Variants in HMG20A observed in about 807,000 individuals in gnomAD.
The protein encoded by HMG20A is high mobility group 20A, also known as high mobility group protein 20A.
In HMG20A, 17 loss-of-function variants were observed where a neutral mutation model predicts 43.9. The ratio of observed to expected loss-of-function variants is 0.39; its 90% CI spans 0.27 to 0.58. The LOEUF (loss-of-function observed/expected upper bound fraction) is 0.58. Ranked by LOEUF, HMG20A falls within the 20% of genes least tolerant of loss-of-function variation. The probability of loss-of-function intolerance (pLI) is 0.59; values close to 1 mark genes in which losing one functional copy is unlikely to be tolerated. For synonymous variants in HMG20A, 132 were observed against 147.5 expected, an observed-to-expected ratio of 0.89 and a Z score of 0.76; for missense variants, 341 against 438.2, an observed-to-expected ratio of 0.78 and a Z score of 1.98.
chr15:77,435,382 C>T (rs2073534898), intron 1 of HMG20A, among the ~76,000 whole-genome samples: 1 of 152,162 alleles, frequency 6.6e-6, no homozygotes, highest in African/African-American at 2.4e-5. Flanking sequence ...CTACTGGGCT[C>T]AAGCAGTTCT....
chr15:77,421,425 C>CT (rs1370065858), intron 1 of HMG20A, among the ~76,000 whole-genome samples: 1 of 152,182 alleles, frequency 6.6e-6, no homozygotes, highest in Non-Finnish European at 1.5e-5. Flanking sequence ...GCAAAATTGT[C>CT]TGTGTTTTCT....
chr15:77,472,092 G>A (rs975389878), intron 6 of HMG20A, among the ~76,000 whole-genome samples: 2 of 152,094 alleles, frequency 1.3e-5, no homozygotes, highest in African/African-American at 4.8e-5. Flanking sequence ...TTGGAATGAA[G>A]TATAGAAATG....
chr15:77,503,717 C>T, the HMG20A span, among the ~76,000 whole-genome samples: 4 of 152,170 alleles, frequency 2.6e-5, no homozygotes, highest in African/African-American at 9.7e-5. Context: ...TCCCTCGGAT[C>T]GTAATACACC....
rs2072766611 is a variant in HMG20A, at chr15:77,467,385, G to A, written c.450+78G>A. 4.1e-5 allele frequency: 50 copies of A among 1,232,750 alleles called. No individual in the cohort carries two copies. The South Asian group carries it at 6.6e-4, about 16-fold the overall frequency. 76.4% of individuals were successfully genotyped at this position (1,232,750 alleles called of 1,614,324 possible). A position where few individuals can be genotyped will look rare whatever the true frequency, so the allele number is the denominator to read the frequency against. On this transcript the variant is annotated intron_variant, in intron 4 of 9. Coordinates refer to ENST00000336216, the MANE Select transcript of HMG20A (RefSeq NM_001304504.2). Reference sequence around the variant, plus strand: ...TAACTTATATAAGAAAAGCAAAGAGGATGGACAGTTGATTCTGCAGTTTTG... The same window carrying A: ...TAACTTATATAAGAAAAGCAAAGAGAATGGACAGTTGATTCTGCAGTTTTG...
the HMG20A span, among the ~76,000 whole-genome samples, chr15:77,515,742 C>T: frequency 6.6e-6 from 1 of 152,218 alleles, no homozygotes; most frequent in African/African-American, 2.4e-5. Flanking sequence ...CCAAACAGAA[C>T]ATACCTGCAT....
At chr15:77,444,481 C>G (rs1327749496) in intron 1 of HMG20A, among the ~76,000 whole-genome samples, 1 of 152,126 alleles carries the variant, frequency 6.6e-6, no homozygotes, top group Non-Finnish European at 1.5e-5. Context: ...ATGAAAGTTA[C>G]AGCTAATGTA....
At chr15:77,472,094 A>C (rs2072814800) in intron 6 of HMG20A, among the ~76,000 whole-genome samples, 1 of 152,150 alleles carries the variant, frequency 6.6e-6, no homozygotes, top group Non-Finnish European at 1.5e-5. Flanking sequence ...GGAATGAAGT[A>C]TAGAAATGAG....
chr15:77,514,861 G>A, the HMG20A span, among the ~76,000 whole-genome samples: 8,679 of 152,258 alleles, frequency 0.057, 359 homozygotes, highest in Middle Eastern at 0.13. Context: ...TCGGGGTGGC[G>A]GTGGCTTGAC....
intron 1 of HMG20A, among the ~76,000 whole-genome samples, chr15:77,426,297 C>T (rs184586359): frequency 6.6e-6 from 1 of 152,224 alleles, no homozygotes; most frequent in East Asian, 1.9e-4. Context: ...ACTTCTGACT[C>T]CCCAAAAAGT....
At chr15:77,448,961 A>T (rs925145459) in intron 1 of HMG20A, among the ~76,000 whole-genome samples, 1 of 151,986 alleles carries the variant, frequency 6.6e-6, no homozygotes, top group Non-Finnish European at 1.5e-5. Context: ...TGAGGCCGAG[A>T]ATTGCTTGAA....
intron 1 of HMG20A, among the ~76,000 whole-genome samples, chr15:77,440,596 T>C (rs2073601173): frequency 1.3e-5 from 2 of 152,192 alleles, no homozygotes; most frequent in South Asian, 4.1e-4. Flanking sequence ...GGCTATGCTA[T>C]TTGTGGTCAC....
chr15:77,518,503 T>C, the HMG20A span, among the ~76,000 whole-genome samples: 36,488 of 152,122 alleles, frequency 0.24, 5,216 homozygotes, highest in Non-Finnish European at 0.32. Context: ...CCCTCACTCT[T>C]ACCTACATTA....
At chr15:77,431,063 A>C (rs986044611) in intron 1 of HMG20A, among the ~76,000 whole-genome samples, 4 of 152,216 alleles carry the variant, frequency 2.6e-5, no homozygotes, top group African/African-American at 9.6e-5. Context: ...GTTGAAAGTA[A>C]CCAGAGGAAA....
intron 1 of HMG20A, among the ~76,000 whole-genome samples, chr15:77,428,826 T>C (rs62007303): frequency 0.093 from 14,050 of 151,890 alleles, 715 homozygotes; most frequent in Admixed American, 0.11. Flanking sequence ...TAGCCAGACA[T>C]GGTGGTATAT....
chr15:77,442,907 T>C (rs369262591), intron 1 of HMG20A, among the ~76,000 whole-genome samples: 1 of 152,200 alleles, frequency 6.6e-6, no homozygotes, highest in African/African-American at 2.4e-5. Flanking sequence ...TCTGTGATCC[T>C]TGATGGCACT....
At chr15:77,511,455 G>A in the HMG20A span, among the ~76,000 whole-genome samples, 2 of 152,118 alleles carry the variant, frequency 1.3e-5, no homozygotes, top group South Asian at 2.1e-4. Context: ...CTGGGGCAGG[G>A]GAAATAGAGC....
rs1185257680 is a variant in HMG20A, at chr15:77,443,030, T to TTC, written c.-4-15373_-4-15372insCT. Among the ~76,000 whole-genome samples, 353 of 144,672 alleles carry TTC rather than the reference T, an allele frequency of 2.4e-3. 2 individuals are homozygous for TTC. Among genetic ancestry groups the TTC allele is most frequent in the Non-Finnish European group, 3.8e-3 (250 of 65,680 alleles). The allele number at this position is 144,672 out of a possible 152,430, so 94.9% of individuals were successfully genotyped here. A position where few individuals can be genotyped will look rare whatever the true frequency, so the allele number is the denominator to read the frequency against. Reference sequence around the variant, plus strand: ...ACCCTGACATAACTACTTTGAACTTTTTTTTTTTTTTTTTTTTTTTGAGAC... The same window carrying TTC: ...ACCCTGACATAACTACTTTGAACTTTTCTTTTTTTTTTTTTTTTTTTTGAGAC... On this transcript the variant is annotated intron_variant, in intron 1 of 9. Coordinates refer to ENST00000336216, the MANE Select transcript of HMG20A (RefSeq NM_001304504.2).
chr15:77,463,748 C>T (rs1404916772), intron 2 of HMG20A, among the ~76,000 whole-genome samples: 3 of 152,190 alleles, frequency 2.0e-5, no homozygotes, highest in Non-Finnish European at 4.4e-5. Flanking sequence ...TGTCACTAAA[C>T]GCTATAATCC....
At chr15:77,510,761 G>T in the HMG20A span, among the ~76,000 whole-genome samples, 1 of 152,176 alleles carries the variant, frequency 6.6e-6, no homozygotes, top group Non-Finnish European at 1.5e-5. Context: ...TGGTCTGGTG[G>T]GCATCCCTGA....
Sources: gnomAD v4.1 joint callset for allele counts (sites outside exome capture counted in the v4.1 genomes callset) on GRCh38, gnomAD v4.1.1 for gene constraint, MANE v1.5 for transcripts, NCBI Gene and HGNC (gene_info 2026-07-23, HGNC 2026-07-21) for gene names.